The following IRAG1 variants were observed in gnomAD, a reference collection of about 807,000 sequenced individuals.
IRAG1 encodes the protein inositol 1,4,5-triphosphate receptor associated 1.
In IRAG1, 62 loss-of-function variants were observed where a neutral mutation model predicts 106.2. That is an observed-to-expected ratio of 0.58 (90% confidence interval 0.48 to 0.72). IRAG1 has a LOEUF of 0.72. Ranked by LOEUF, IRAG1 falls within the 30% of genes least tolerant of loss-of-function variation. IRAG1 has a pLI of 0.00. For synonymous variants in IRAG1, 462 were observed against 443.9 expected (o/e 1.04, Z -0.51); for missense variants, 1,064 against 1,140.7 (o/e 0.93, Z 0.97).
At chr11:10,672,301 C>T (rs984786482) in intron 1 of IRAG1, among the ~76,000 whole-genome samples, 1 of 152,106 alleles carries the variant, frequency 6.6e-6, no homozygotes, top group African/African-American at 2.4e-5. Flanking sequence ...TTAGATACAA[C>T]ACCATAAATG....
At chr11:10,625,517 G>A (rs1429800790) in intron 9 of IRAG1, among the ~76,000 whole-genome samples, 1 of 152,140 alleles carries the variant, frequency 6.6e-6, no homozygotes, top group Non-Finnish European at 1.5e-5. Flanking sequence ...TTGTTAACAG[G>A]CATCAGGAAG....
Position 10,576,436 on chromosome 11 carries a change from C to T in IRAG1, c.2635G>A (p.Ala879Thr), listed in dbSNP as rs1407967723. ...LGLYNSYNSC[A>T]EQADGPLGRS... ...CCAAGGGGCCCATCAGCCTGCTCTGCACAAGAGTTATAGGAATTGTAGAGC... is the reference window on the plus strand; with the variant it reads ...CCAAGGGGCCCATCAGCCTGCTCTGTACAAGAGTTATAGGAATTGTAGAGC... The change falls in exon 21 of 21, where the codon GCA (alanine) becomes ACA (threonine). Residue 879 changes from alanine (A) to threonine (T), a missense_variant. Coordinates refer to ENST00000423302, the MANE Select transcript of IRAG1 (RefSeq NM_130385.4). 1 of 1,613,992 alleles carries T rather than the reference C, an allele frequency of 6.2e-7. No homozygotes were observed. The highest frequency in any genetic ancestry group is 1.1e-5 in the South Asian group (1 of 91,082).
Position 10,652,233 on chromosome 11 carries a change from A to G in IRAG1, c.68-51T>C, listed in dbSNP as rs748124282. On this transcript the variant is annotated intron_variant, in intron 1 of 20. Transcript: ENST00000423302. ...CAAATCCATTCCCATCCCTGTCCCAAGCTGGGTTCCATTTCCCGGAGCCAC... is the reference window on the plus strand; with the variant it reads ...CAAATCCATTCCCATCCCTGTCCCAGGCTGGGTTCCATTTCCCGGAGCCAC... 2.5e-6 allele frequency: 4 copies of G among 1,599,286 alleles called. No individual in the cohort carries two copies. In the African/African-American group the frequency reaches 5.4e-5, roughly 21 times the overall value.
Position 10,609,849 on chromosome 11 carries a change from G to C in IRAG1, c.1450C>G (p.Leu484Val). 1 of 1,610,016 alleles carries C rather than the reference G, an allele frequency of 6.2e-7. No individual in the cohort carries two copies. The highest frequency in any genetic ancestry group is 8.5e-7 in the Non-Finnish European group (1 of 1,178,534). Residue 484 changes from leucine to valine, a missense_variant and splice_region_variant, in exon 11 of 21, where the codon CTT (leucine) becomes GTT (valine). By Grantham distance (32) the Leu-to-Val change is conservative. Coordinates refer to ENST00000423302, the MANE Select transcript of IRAG1 (RefSeq NM_130385.4). ...LSEAAEQEKGLPSELSPAIEE... is the reference protein window; with the variant it reads ...LSEAAEQEKGVPSELSPAIEE... ...ATAGCTGGGGAGAGTTCAGAAGGAA[G>C]CCCTGAAAAAAAAGTGCTTACTTAT...
intron 2 of IRAG1, among the ~76,000 whole-genome samples, chr11:10,637,388 T>TC (rs1333462416): frequency 5.9e-5 from 9 of 151,996 alleles, no homozygotes; most frequent in African/African-American, 1.7e-4. Context: ...TGTCAAGGAC[T>TC]CCCCCTAGAA....
intron 1 of IRAG1, among the ~76,000 whole-genome samples, chr11:10,678,778 C>T (rs933695016): frequency 2.0e-5 from 3 of 152,190 alleles, no homozygotes; most frequent in Admixed American, 1.3e-4. Context: ...CATTTGTAAT[C>T]GAAGCTTTTT....
At chr11:10,594,071 A>G in intron 16 of IRAG1, 75 bp downstream of exon 16, 1 of 1,360,998 alleles carries the variant, frequency 7.3e-7, no homozygotes, top group East Asian at 2.5e-5. Context: ...CCCAGAATGA[A>G]TGATTGTTTG....
At chr11:10,577,146 T>A (rs75210269) in intron 20 of IRAG1, among the ~76,000 whole-genome samples, 2,156 of 152,244 alleles carry the variant, frequency 0.014, 29 homozygotes, top group African/African-American at 0.03. Flanking sequence ...TAGATCAACC[T>A]CAAGAGTTCA....
chr11:10,674,320 C>T (rs1304753009), intron 1 of IRAG1, among the ~76,000 whole-genome samples: 1 of 152,218 alleles, frequency 6.6e-6, no homozygotes, highest in Non-Finnish European at 1.5e-5. Flanking sequence ...TAGGGAGCGC[C>T]ATTCCTCATC....
intron 1 of IRAG1, among the ~76,000 whole-genome samples, chr11:10,689,880 T>C (rs1471220530): frequency 6.6e-6 from 1 of 152,048 alleles, no homozygotes; most frequent in Non-Finnish European, 1.5e-5. Context: ...TTCTAGAGGG[T>C]TTTTTATTTC....
At chr11:10,592,920 A>C (rs1297220032) in intron 17 of IRAG1, among the ~76,000 whole-genome samples, 1 of 152,228 alleles carries the variant, frequency 6.6e-6, no homozygotes, top group Non-Finnish European at 1.5e-5. Flanking sequence ...TAGGTTTTGT[A>C]TATTCTATTT....
At chr11:10,617,777 T>G (rs1270424477) in intron 10 of IRAG1, among the ~76,000 whole-genome samples, 1 of 152,154 alleles carries the variant, frequency 6.6e-6, no homozygotes, top group Admixed American at 6.5e-5. Flanking sequence ...CAACTCCATC[T>G]CCTCATCAAG....
chr11:10,577,597 A>C (rs1219153385), intron 20 of IRAG1, among the ~76,000 whole-genome samples: 1 of 152,232 alleles, frequency 6.6e-6, no homozygotes, highest in Non-Finnish European at 1.5e-5. Flanking sequence ...AAAGTGATAG[A>C]AGTGCTTTCT....
intron 1 of IRAG1, among the ~76,000 whole-genome samples, chr11:10,668,331 G>A (rs940308614): frequency 4.6e-5 from 7 of 152,340 alleles, no homozygotes; most frequent in African/African-American, 1.4e-4. Context: ...GTATGTAAAT[G>A]TATGTAAATT....
At chr11:10,622,629 C>T (rs1356553042) in intron 10 of IRAG1, among the ~76,000 whole-genome samples, 4 of 152,042 alleles carry the variant, frequency 2.6e-5, no homozygotes, top group East Asian at 1.9e-4. Context: ...CTCAGCCTCC[C>T]GGGTAGCTGG....
In IRAG1 at chr11:10,693,533, T is replaced by C. The variant is rs1298335162; in HGVS notation, c.67+3A>G. 1 of 1,535,566 alleles carries C rather than the reference T, an allele frequency of 6.5e-7. No individual in the cohort carries two copies. On this transcript the variant is annotated splice_donor_region_variant and intron_variant, in intron 1 of 20. Coordinates refer to ENST00000423302, the MANE Select transcript of IRAG1 (RefSeq NM_130385.4). ...GTTATTCTAGGATATAGGGGAGGCT[T>C]ACCTAAAACTGAGTTATTCTCCTTT...
chr11:10,690,449 A>G (rs1438764589), intron 1 of IRAG1: 1 of 1,270,084 alleles, frequency 7.9e-7, no homozygotes, highest in East Asian at 5.6e-5. Context: ...CTTGCAGAGA[A>G]GGCAGGGCTT....
At chr11:10,593,650 A>G (rs1014967327) in intron 16 of IRAG1, 51 bp from the exon 17 acceptor site, 1 of 1,370,248 alleles carries the variant, frequency 7.3e-7, no homozygotes, top group African/African-American at 1.4e-5. Context: ...AGCAATAGCC[A>G]TAGTTCAGAA....
chr11:10,687,149 A>T (rs1564946310), intron 1 of IRAG1, among the ~76,000 whole-genome samples: 1 of 152,062 alleles, frequency 6.6e-6, no homozygotes, highest in East Asian at 1.9e-4. Context: ...CCATGTGGCA[A>T]CCCCTGCAGC....
Sources: gnomAD v4.1 joint callset for allele counts (sites outside exome capture counted in the v4.1 genomes callset) on GRCh38, gnomAD v4.1.1 for gene constraint, MANE v1.5 for transcripts, NCBI Gene and HGNC (gene_info 2026-07-23, HGNC 2026-07-21) for gene names.